The following CTNND2 variants were observed in gnomAD, a reference collection of about 807,000 sequenced individuals.
CTNND2 encodes catenin delta-2.
A neutral mutation model predicts 144.4 loss-of-function variants in CTNND2; 22 were observed. That is an observed-to-expected ratio of 0.15 (90% CI 0.11 to 0.22). The LOEUF (loss-of-function observed/expected upper bound fraction) is 0.22, where lower values mean the gene tolerates loss of function less well. CTNND2 is among the 10% of genes least tolerant of loss of function. The pLI, the probability that CTNND2 is intolerant of heterozygous loss-of-function variation, is 1.00. For missense variants in CTNND2, 1,353 were observed against 1,618.8 expected (o/e 0.84, Z 2.82); for synonymous variants, 751 against 695.6 (o/e 1.08, Z -1.25).
intron 15 of CTNND2, among the ~76,000 whole-genome samples, chr5:11,092,851 G>A (rs1024169114): frequency 1.1e-4 from 16 of 152,148 alleles, no homozygotes; most frequent in African/African-American, 2.9e-4. Flanking sequence ...CTTAACTTGC[G>A]TTTGATAGAC....
At chr5:11,749,839 C>A (rs1788514428) in intron 1 of CTNND2, among the ~76,000 whole-genome samples, 1 of 151,892 alleles carries the variant, frequency 6.6e-6, no homozygotes, top group Admixed American at 6.6e-5. Flanking sequence ...ATGATCTAAT[C>A]TTATTCATTT....
chr5:11,425,164 G>C (rs10474922), intron 3 of CTNND2, among the ~76,000 whole-genome samples: 21,826 of 152,180 alleles, frequency 0.14, 1,680 homozygotes, highest in African/African-American at 0.19. Context: ...TATTGGAGCA[G>C]AGTACAAGTC....
chr5:11,235,364 G>GT (rs1362460379), intron 10 of CTNND2, among the ~76,000 whole-genome samples: 1 of 152,138 alleles, frequency 6.6e-6, no homozygotes, highest in East Asian at 1.9e-4. Context: ...CATGGCCATT[G>GT]TTTTTTCTAT....
chr5:11,856,662 G>A (rs1795266003), intron 1 of CTNND2, among the ~76,000 whole-genome samples: 1 of 152,090 alleles, frequency 6.6e-6, no homozygotes, highest in Non-Finnish European at 1.5e-5. Context: ...AAGTCAAATA[G>A]CACCCCAGGT....
chr5:11,583,013 T>C (rs893933893), intron 2 of CTNND2, among the ~76,000 whole-genome samples: 3 of 152,172 alleles, frequency 2.0e-5, no homozygotes, highest in South Asian at 4.1e-4. Context: ...CTCAAAGACA[T>C]GAATGCTATT....
At chr5:11,171,289 G>T (rs1759877941) in intron 11 of CTNND2, among the ~76,000 whole-genome samples, 3 of 152,164 alleles carry the variant, frequency 2.0e-5, no homozygotes, top group Non-Finnish European at 4.4e-5. Flanking sequence ...GACAGGTAAT[G>T]AATGAGAGAG....
In CTNND2 at chr5:11,475,654, A is replaced by G. The variant is rs189686768; in HGVS notation, c.288-63585T>C. ...TTTTATATCAGGGTGCAGTTCTCAA[A>G]GAGAGTCAGCTGATGTGAGAATGCA... On this transcript the variant is annotated intron_variant, in intron 3 of 21. Transcript: ENST00000304623. Among the ~76,000 whole-genome samples the G allele has an allele frequency of 1.2e-3, 181 of 152,340 alleles. 1 individual carries two copies. Among genetic ancestry groups the G allele is most frequent in the African/African-American group, 4.1e-3 (169 of 41,586 alleles).
chr5:11,129,233 T>TTATATATTA (rs1201764478), intron 12 of CTNND2, among the ~76,000 whole-genome samples: 2 of 42,874 alleles, frequency 4.7e-5, no homozygotes, highest in African/African-American at 1.4e-4. Flanking sequence ...TAAATATATA[T>TTATATATTA]TATATATTAT....
chr5:11,439,073 T>C (rs1454568079), intron 3 of CTNND2, among the ~76,000 whole-genome samples: 5 of 151,990 alleles, frequency 3.3e-5, no homozygotes, highest in African/African-American at 4.8e-5. Context: ...CTCCGACATA[T>C]CAAATTTACC....
At chr5:11,651,206 G>C (rs539452303) in intron 2 of CTNND2, among the ~76,000 whole-genome samples, 2 of 152,140 alleles carry the variant, frequency 1.3e-5, no homozygotes, top group African/African-American at 4.8e-5. Context: ...TCCAGCTCTA[G>C]CCATGGCTAA....
At chr5:11,452,530 C>T (rs1765392130) in intron 3 of CTNND2, among the ~76,000 whole-genome samples, 2 of 152,196 alleles carry the variant, frequency 1.3e-5, no homozygotes, top group South Asian at 4.1e-4. Context: ...TTAAAACACA[C>T]AGAGCTCTCT....
chr5:11,135,660 T>C (rs568130102), intron 12 of CTNND2, among the ~76,000 whole-genome samples: 63 of 152,352 alleles, frequency 4.1e-4, no homozygotes, highest in African/African-American at 1.5e-3. Context: ...AAATACATAG[T>C]GTTAGGTGAT....
At chr5:11,738,289 T>G (rs748579937) in intron 1 of CTNND2, among the ~76,000 whole-genome samples, 1 of 152,164 alleles carries the variant, frequency 6.6e-6, no homozygotes, top group Non-Finnish European at 1.5e-5. Flanking sequence ...CTTTCATAAA[T>G]GATGCAATAA....
At chr5:11,559,113 A>T (rs1214496281) in intron 3 of CTNND2, among the ~76,000 whole-genome samples, 1 of 152,198 alleles carries the variant, frequency 6.6e-6, no homozygotes, top group Non-Finnish European at 1.5e-5. Flanking sequence ...TTAATTATAG[A>T]ATTAATATAC....
At chr5:11,235,969 A>G (rs1205448009) in intron 10 of CTNND2, among the ~76,000 whole-genome samples, 2 of 152,204 alleles carry the variant, frequency 1.3e-5, no homozygotes, top group Non-Finnish European at 1.5e-5. Context: ...AATCTTTTTG[A>G]AAAAAATGAC....
At chr5:11,733,854 C>T (rs970097892) in intron 1 of CTNND2, among the ~76,000 whole-genome samples, 1 of 152,194 alleles carries the variant, frequency 6.6e-6, no homozygotes, top group African/African-American at 2.4e-5. Flanking sequence ...TCCCATCTTT[C>T]CCGCACAAAC....
rs557547899 is a variant in CTNND2, at chr5:11,287,886, T to C, written c.1629-51063A>G. 9.8e-5 allele frequency among the ~76,000 whole-genome samples: 15 copies of C among 152,334 alleles called. No homozygotes were observed. The South Asian group carries it at 2.9e-3, about 29-fold the overall frequency. ...GCTACACCAAAATAAAAACTCCGCATCAGTCAGTTGATACAATAAATGCGA... is the reference window on the plus strand; with the variant it reads ...GCTACACCAAAATAAAAACTCCGCACCAGTCAGTTGATACAATAAATGCGA... On this transcript the variant is annotated intron_variant, in intron 9 of 21. Coordinates refer to ENST00000304623, the MANE Select transcript of CTNND2 (RefSeq NM_001332.4).
chr5:11,145,644 C>T (rs1757168474), intron 12 of CTNND2, among the ~76,000 whole-genome samples: 1 of 152,168 alleles, frequency 6.6e-6, no homozygotes, highest in African/African-American at 2.4e-5. Flanking sequence ...CTCTTCTCCT[C>T]CTTGTCCCTG....
chr5:11,740,754 A>T (rs1787954250), intron 1 of CTNND2, among the ~76,000 whole-genome samples: 1 of 152,224 alleles, frequency 6.6e-6, no homozygotes, highest in Admixed American at 6.5e-5. Context: ...TGAACAGGCA[A>T]CCTACAGACT....
Sources: gnomAD v4.1 joint callset for allele counts (sites outside exome capture counted in the v4.1 genomes callset) on GRCh38, gnomAD v4.1.1 for gene constraint, MANE v1.5 for transcripts, NCBI Gene and HGNC (gene_info 2026-07-23, HGNC 2026-07-21) for gene names.